The following PKD1 variants were observed in gnomAD, a reference collection of about 807,000 sequenced individuals.
PKD1 encodes the protein polycystin 1, transient receptor potential channel interacting.
A neutral mutation model predicts 361.7 loss-of-function variants in PKD1; 81 were observed. The observed-to-expected ratio is 0.22, with a 90% CI of 0.19 to 0.27. PKD1 has a LOEUF of 0.27. Ranked by LOEUF, PKD1 falls within the 10% of genes least tolerant of loss-of-function variation. PKD1 has a pLI of 1.00. For missense variants in PKD1, 6,399 were observed against 6,118.3 expected (o/e 1.05, Z -1.53); for synonymous variants, 3,615 against 2,818.3 (o/e 1.28, Z -8.95).
In PKD1 at chr16:2,118,366, G is replaced by A; in HGVS notation, c.626C>T (p.Ala209Val). Residue 209 changes from alanine to valine, a missense_variant, in exon 5 of 46, where the codon GCC becomes GTC. By Grantham distance (64) the Ala-to-Val change is moderately conservative. Transcript: ENST00000262304. The surrounding 1 kb of genome is among the most constrained non-coding windows in gnomAD (Gnocchi z 6.0). ...AAHEGLLQPE[A>V]CSAFCFSTGQ... ...GGTGGAGAAGCAGAAGGCGCTGCAG[G>A]CCTCTGGCTGAAGCAGGCCTTCGTG... 2.3e-6 allele frequency: 3 copies of A among 1,325,192 alleles called. No individual in the cohort carries two copies. Among genetic ancestry groups the A allele is most frequent in the Non-Finnish European group, 3.1e-6 (3 of 956,290 alleles). The allele number at this position is 1,325,192 out of a possible 1,614,324, so 82.1% of individuals were successfully genotyped here.
chr16:2,091,170 C>T lies in PKD1; in HGVS notation c.11717G>A (p.Cys3906Tyr), dbSNP rs369291413. The change falls in exon 43 of 46, where the codon TGC (cysteine) becomes TAC (tyrosine). Residue 3906 changes from cysteine to tyrosine, a missense_variant. By Grantham distance (194) the Cys-to-Tyr change is radical. Transcript: ENST00000262304. ...GLSLPLLTSVCLLLFAVHFAV... is the reference protein window; with the variant it reads ...GLSLPLLTSVYLLLFAVHFAV... The stretch of plus-strand genomic sequence containing the variant: ...GAAGTGCACGGCGAACAGCAGCAGG[C>T]ACACCTGTGGGGGGCGCGGTCAGGA... 5 of 1,393,316 alleles carry T rather than the reference C, an allele frequency of 3.6e-6. No homozygotes were observed. Among genetic ancestry groups the T allele is most frequent in the African/African-American group, 1.6e-5 (1 of 64,028 alleles). The allele number at this position is 1,393,316 out of a possible 1,614,324, so 86.3% of individuals were successfully genotyped here. A position where few individuals can be genotyped will look rare whatever the true frequency, so the allele number is the denominator to read the frequency against.
In PKD1 at chr16:2,099,674, G is replaced by A. The variant is rs1298604442; in HGVS notation, c.10020C>T (p.Ile3340=). Residue 3340 remains isoleucine, a synonymous_variant, in exon 30 of 46, where the codon ATC becomes ATT. Coordinates refer to ENST00000262304, the MANE Select transcript of PKD1 (RefSeq NM_001009944.3). ...TCCGGGACATCCGGAAGAGAAAAAG[G>A]ATGGCCAGGTAGACGGGATAGACAA... The part of the protein sequence containing the change: ...SVVVYPVYLA[I]LFLFRMSRSK... 15 of 1,594,684 alleles carry A rather than the reference G, an allele frequency of 9.4e-6. No homozygotes were observed. The highest frequency in any genetic ancestry group is 8.0e-5 in the African/African-American group (6 of 74,840).
Position 2,103,323 on chromosome 16 carries a change from C to A in PKD1, c.8734G>T (p.Asp2912Tyr). 6.2e-7 allele frequency: 1 copy of A among 1,607,678 alleles called. No homozygotes were observed. The highest frequency in any genetic ancestry group is 8.5e-7 in the Non-Finnish European group (1 of 1,179,674). Residue 2912 changes from aspartate (D) to tyrosine (Y), a missense_variant, in exon 23 of 46, where the codon GAC (aspartate) becomes TAC (tyrosine). Transcript: ENST00000262304. ...AGCCCGGCCGCAGGGTTGCTGCTGT[C>A]CAGGGTGACCACAGCACCGACGGAG... ...QASVGAVVTL[D>Y]SSNPAAGLHL...
In PKD1 at chr16:2,093,555, C is replaced by T; in HGVS notation, c.11005G>A (p.Gly3669Ser). ...GCACCCAGGCTCACCCGCAGCATGCCATGTAGCCTCTTGACCTTGCGGGCT... is the reference window on the plus strand; with the variant it reads ...GCACCCAGGCTCACCCGCAGCATGCTATGTAGCCTCTTGACCTTGCGGGCT... ...EEARKVKRLH[G>S]MLRSLLVYML... is the part of the protein sequence containing the mutation. The change falls in exon 37 of 46, where the codon GGC becomes AGC. Residue 3669 changes from glycine (G) to serine (S), a missense_variant. By Grantham distance (56) the Gly-to-Ser change is moderately conservative. Coordinates refer to ENST00000262304, the MANE Select transcript of PKD1 (RefSeq NM_001009944.3). 1 of 1,602,724 alleles carries T rather than the reference C, an allele frequency of 6.2e-7. No homozygotes were observed. The highest frequency in any genetic ancestry group is 8.5e-7 in the Non-Finnish European group (1 of 1,175,018).
At position 2,109,813 on chromosome 16, in the gene PKD1, T is replaced by G; in HGVS notation, c.5354A>C (p.Asn1785Thr). ...GGTGGCGTTGGCTGAGCCCAGCGGGTTCCCTGCCGTCATGGTGACCAAGTG... is the reference window on the plus strand; with the variant it reads ...GGTGGCGTTGGCTGAGCCCAGCGGGGTCCCTGCCGTCATGGTGACCAAGTG... The part of the protein sequence containing the change: ...GLHLVTMTAG[N>T]PLGSANATVE... The change falls in exon 15 of 46, where the codon AAC (asparagine) becomes ACC (threonine). Residue 1785 changes from asparagine (N) to threonine (T), a missense_variant. Coordinates refer to ENST00000262304, the MANE Select transcript of PKD1 (RefSeq NM_001009944.3). 1 of 1,610,502 alleles carries G rather than the reference T, an allele frequency of 6.2e-7. No homozygotes were observed. Among genetic ancestry groups the G allele is most frequent in the Non-Finnish European group, 8.5e-7 (1 of 1,179,782 alleles).
rs1363669187 is a variant in PKD1 at position 2,132,977 on chromosome 16, A to T, written c.215+2498T>A. The T allele has an allele frequency of 2.7e-5, 4 of 148,540 alleles. No individual in the cohort carries two copies. In the East Asian group the frequency reaches 6.2e-4, roughly 23 times the overall value. 9.2% of individuals were successfully genotyped at this position (148,540 alleles called of 1,614,324 possible). On this transcript the variant is annotated intron_variant, in intron 1 of 45. Coordinates refer to ENST00000262304, the MANE Select transcript of PKD1 (RefSeq NM_001009944.3). ...ACGCCTGTAATCCCAGCTACTCGGG[A>T]GGCTGAGGCAGGAAAAAGCGCTTGA...
Position 2,106,435 on chromosome 16 carries a change from C to A in PKD1, c.7452G>T (p.Val2484=). Residue 2484 remains valine (V), a synonymous_variant, in exon 18 of 46, where the codon GTG becomes GTT. Transcript: ENST00000262304. This position sits in a 1 kb window ranked among gnomAD's most constrained non-coding sequence, Gnocchi z 6.5. ...AGTGCACCTTGGTGGTGAGGGCGTG[C>A]ACAGCGCCCAGTGGGAAGAGGCGGC... ...GSCRLFPLGA[V]HALTTKVHFE... is the part of the protein sequence containing the mutation. 1 of 1,589,434 alleles carries A rather than the reference C, an allele frequency of 6.3e-7. No individual in the cohort carries two copies. Among genetic ancestry groups the A allele is most frequent in the Non-Finnish European group, 8.5e-7 (1 of 1,172,366 alleles).
chr16:2,093,669 C>T lies in PKD1; in HGVS notation c.10891G>A (p.Val3631Ile), dbSNP rs138089695. The change falls in exon 37 of 46, where the codon GTA becomes ATA. Residue 3631 changes from valine (V) to isoleucine (I), a missense_variant. By Grantham distance (29) the Val-to-Ile change is conservative (BLOSUM62 3). Coordinates refer to ENST00000262304, the MANE Select transcript of PKD1 (RefSeq NM_001009944.3). ...ACAGGCGTCACAGCCGGGCTCTCTACCAGGGTGTCATCTTCATCCGGGTGC... is the reference window on the plus strand; with the variant it reads ...ACAGGCGTCACAGCCGGGCTCTCTATCAGGGTGTCATCTTCATCCGGGTGC... ...RLHPDEDDTL[V>I]ESPAVTPVSA... 53 of 1,607,124 alleles carry T rather than the reference C, an allele frequency of 3.3e-5. No homozygotes were observed. The highest frequency in any genetic ancestry group is 4.2e-5 in the Non-Finnish European group (49 of 1,177,116).
At position 2,099,673 on chromosome 16, in the gene PKD1, G is replaced by C; in HGVS notation, c.10021C>G (p.Leu3341Val). 3 of 1,594,546 alleles carry C rather than the reference G, an allele frequency of 1.9e-6. No individual in the cohort carries two copies. The highest frequency in any genetic ancestry group is 2.7e-5 in the African/African-American group (2 of 74,848). ...VVVYPVYLAI[L>V]FLFRMSRSKV... is the part of the protein sequence containing the mutation. ...CTCCGGGACATCCGGAAGAGAAAAA[G>C]GATGGCCAGGTAGACGGGATAGACA... Residue 3341 changes from leucine to valine, a missense_variant, in exon 30 of 46, where the codon CTT becomes GTT. Physicochemically the swap from Leu to Val is conservative, Grantham distance 32. Coordinates refer to ENST00000262304, the MANE Select transcript of PKD1 (RefSeq NM_001009944.3).
chr16:2,120,820 C>T (rs572178221), intron 1 of PKD1, among the ~76,000 whole-genome samples: 9 of 152,224 alleles, frequency 5.9e-5, no homozygotes, highest in African/African-American at 1.9e-4. Flanking sequence ...AGATCGAGAC[C>T]ATCCTGGCCA....
In PKD1 at chr16:2,109,947, G is replaced by C. The variant is rs146915755; in HGVS notation, c.5220C>G (p.Ala1740=). The C allele has an allele frequency of 1.9e-6, 3 of 1,610,128 alleles. No individual in the cohort carries two copies. The highest frequency in any genetic ancestry group is 2.2e-5 in the East Asian group (1 of 44,860). ...AAVNTSVTLS[A]ELAGGSGVVY... ...CGACACCACTGCCACCAGCCAGCTC[G>C]GCACTGAGGGTGACGCTTGTGTTGA... is the stretch of plus-strand genomic sequence containing the variant. Residue 1740 remains alanine (A), a synonymous_variant, in exon 15 of 46, where the codon GCC becomes GCG. Coordinates refer to ENST00000262304, the MANE Select transcript of PKD1 (RefSeq NM_001009944.3).
At chr16:2,121,236 G>T (rs1467410788) in intron 1 of PKD1, among the ~76,000 whole-genome samples, 1 of 151,698 alleles carries the variant, frequency 6.6e-6, no homozygotes, top group Non-Finnish European at 1.5e-5. Context: ...GTGGTGGCAA[G>T]CACCTGTAAT....
At position 2,105,605 on chromosome 16, in the gene PKD1, C is replaced by G. The variant is rs2092310182; in HGVS notation, c.7864-131G>C. 4 of 1,579,668 alleles carry G rather than the reference C, an allele frequency of 2.5e-6. No homozygotes were observed. The South Asian group carries it at 4.5e-5, about 18-fold the overall frequency. ...GTGATGCGGGCACTGACCCACAACACTGAGCTGTTTCTTCATGGGCAAAAC... is the reference window on the plus strand; with the variant it reads ...GTGATGCGGGCACTGACCCACAACAGTGAGCTGTTTCTTCATGGGCAAAAC... On this transcript the variant is annotated intron_variant, in intron 20 of 45. Coordinates refer to ENST00000262304, the MANE Select transcript of PKD1 (RefSeq NM_001009944.3).
intron 1 of PKD1, among the ~76,000 whole-genome samples, chr16:2,133,632 C>A (rs930299821): frequency 6.6e-6 from 1 of 152,146 alleles, no homozygotes; most frequent in Non-Finnish European, 1.5e-5. Flanking sequence ...GCCTTCACAT[C>A]CTTCCTAAGG....
chr16:2,125,376 C>T (rs1317925553), intron 1 of PKD1, among the ~76,000 whole-genome samples: 2 of 152,308 alleles, frequency 1.3e-5, no homozygotes, highest in Admixed American at 1.3e-4. Context: ...GAGCCCTGCA[C>T]GAGGGTCTCT....
In PKD1 at chr16:2,111,708, C is replaced by A. The variant is rs747374277; in HGVS notation, c.3459G>T (p.Ser1153=). ...CCCACGTGTAAAGAACACCCCCAGG[C>A]GAGGGCAGCGGGTGCGGGTAGAAGG... ...PVTFYPHPLP[S]PGGVLYTWDF... Residue 1153 remains serine (S), a synonymous_variant, in exon 15 of 46, where the codon TCG becomes TCT. Transcript: ENST00000262304. 1.3e-6 allele frequency: 2 copies of A among 1,586,424 alleles called. No individual in the cohort carries two copies. Among genetic ancestry groups the A allele is most frequent in the Non-Finnish European group, 1.7e-6 (2 of 1,167,904 alleles).
chr16:2,090,767 A>AT lies in PKD1; in HGVS notation c.12044_12045insA (p.Phe4015LeufsTer142). ...GCAGAGCTCGGCATAATGTCTTGCC[A>AT]AAGACGGACCACTGGCGCACGAAGC... On this transcript the variant is annotated frameshift_variant, in exon 44 of 46. Coordinates refer to ENST00000262304, the MANE Select transcript of PKD1 (RefSeq NM_001009944.3). LOFTEE classifies it high-confidence loss of function. 1 of 1,612,626 alleles carries AT rather than the reference A, an allele frequency of 6.2e-7. No homozygotes were observed. The highest frequency in any genetic ancestry group is 8.5e-7 in the Non-Finnish European group (1 of 1,179,950).
rs1266850005 is a variant in PKD1 at position 2,109,839 on chromosome 16, C to T, written c.5328G>A (p.Leu1776=). ...FTTHSFPTPG[L]HLVTMTAGNP... is the part of the protein sequence containing the mutation. ...TCCCTGCCGTCATGGTGACCAAGTG[C>T]AGGCCGGGTGTGGGGAAGCTATGGG... Residue 1776 remains leucine, a synonymous_variant, in exon 15 of 46, where the codon CTG becomes CTA. Coordinates refer to ENST00000262304, the MANE Select transcript of PKD1 (RefSeq NM_001009944.3). 1 of 1,610,562 alleles carries T rather than the reference C, an allele frequency of 6.2e-7. No individual in the cohort carries two copies. The highest frequency in any genetic ancestry group is 8.5e-7 in the Non-Finnish European group (1 of 1,179,844).
rs111244530 is a variant in PKD1 at position 2,102,070 on chromosome 16, G to A, written c.9388C>T (p.Arg3130Trp). 9.0e-6 allele frequency: 14 copies of A among 1,550,696 alleles called. No individual in the cohort carries two copies. In the East Asian group the frequency reaches 1.2e-4, roughly 13 times the overall value. ...YEILVKTGWG[R>W]GSGTTAHVGI... ...CCGCTGCGCCCCTCACCTGAGCCCC[G>A]GCCCCAGCCTGTCTTGACGAGGATC... The change falls in exon 26 of 46, where the codon CGG (arginine) becomes TGG (tryptophan). Residue 3130 changes from arginine to tryptophan, a missense_variant. Coordinates refer to ENST00000262304, the MANE Select transcript of PKD1 (RefSeq NM_001009944.3).
Sources: gnomAD v4.1 joint callset for allele counts (sites outside exome capture counted in the v4.1 genomes callset) on GRCh38, gnomAD v4.1.1 for gene constraint, Gnocchi (gnomAD v3.1) non-coding constraint, MANE v1.5 for transcripts, NCBI Gene and HGNC (gene_info 2026-07-23, HGNC 2026-07-21) for gene names.